Variants in GNAO1 observed in about 807,000 individuals in gnomAD.
GNAO1 encodes G protein subunit alpha o1.
For synonymous variants in GNAO1, 164 were observed against 180.7 expected, an observed-to-expected ratio of 0.91 and a Z score of 0.74; for missense variants, 166 against 478.7, an observed-to-expected ratio of 0.35 and a Z score of 6.10.
At chr16:56,260,357 G>C (rs913491170) in intron 2 of GNAO1, among the ~76,000 whole-genome samples, 2 of 152,172 alleles carry the variant, frequency 1.3e-5, no homozygotes, top group Non-Finnish European at 2.9e-5. Context: ...TGAGGGGCCT[G>C]TTCTCCTTAG....
At chr16:56,337,974 G>A (rs1280225494) in intron 6 of GNAO1, among the ~76,000 whole-genome samples, 4 of 152,224 alleles carry the variant, frequency 2.6e-5, no homozygotes, top group African/African-American at 9.6e-5. Flanking sequence ...CTGGCACCGA[G>A]GGTTTGAGGT....
chr16:56,238,149 G>T (rs1313871693), intron 2 of GNAO1, among the ~76,000 whole-genome samples: 1 of 126,738 alleles, frequency 7.9e-6, no homozygotes, highest in East Asian at 2.3e-4. Context: ...CTTTTTTTCA[G>T]CAGGCCTGCT....
In GNAO1 at chr16:56,336,869, C is replaced by T. The variant is rs371451695; in HGVS notation, c.723+9C>T. 27 of 1,606,166 alleles carry T rather than the reference C, an allele frequency of 1.7e-5. No homozygotes were observed. The highest frequency in any genetic ancestry group is 1.6e-4 in the Middle Eastern group (1 of 6,080). Reference sequence around the variant, plus strand: ...ACGAAGACGAAACCACGGTGAGTGGCCTGGGCCCCCCGGGCAGGGGGCAGC... The same window carrying T: ...ACGAAGACGAAACCACGGTGAGTGGTCTGGGCCCCCCGGGCAGGGGGCAGC... On this transcript the variant is annotated intron_variant, in intron 6 of 8. Transcript: ENST00000262493.
chr16:56,321,194 A>G (rs1158999308), intron 3 of GNAO1, among the ~76,000 whole-genome samples: 1 of 152,240 alleles, frequency 6.6e-6, no homozygotes, highest in Non-Finnish European at 1.5e-5. Flanking sequence ...TAATAGGACT[A>G]TTTGGGGTAC....
In GNAO1 at chr16:56,252,873, C is replaced by T. The variant is rs756968663; in HGVS notation, c.162-23058C>T. The stretch of plus-strand genomic sequence containing the variant: ...CCTTGAGTGCATTGGCCTGTCCCCC[C>T]CACCAACCCCAACAGCTCACAGGGC... On this transcript the variant is annotated intron_variant, in intron 2 of 8. Transcript: ENST00000262493. 3.2e-4 allele frequency among the ~76,000 whole-genome samples: 48 copies of T among 152,304 alleles called. 1 individual carries two copies. In the Middle Eastern group the frequency reaches 0.01, roughly 32 times the overall value.
chr16:56,355,118 G>A lies in GNAO1; in HGVS notation c.*28+37G>A, dbSNP rs548228729. ...AGCACCCACAGAACAGCTTGCGTGC[G>A]CGCGCATACACACACACACACACAC... On this transcript the variant is annotated intron_variant, in intron 8 of 8. Coordinates refer to ENST00000262493, the MANE Select transcript of GNAO1 (RefSeq NM_020988.3). The A allele has an allele frequency of 6.6e-5, 56 of 842,352 alleles. No homozygotes were observed. The East Asian group carries it at 8.7e-4, about 13-fold the overall frequency. 52.2% of individuals were successfully genotyped at this position (842,352 alleles called of 1,614,324 possible). A position where few individuals can be genotyped will look rare whatever the true frequency, so the allele number is the denominator to read the frequency against.
At chr16:56,332,146 A>T (rs1438847948) in intron 4 of GNAO1, among the ~76,000 whole-genome samples, 2 of 152,146 alleles carry the variant, frequency 1.3e-5, no homozygotes, top group African/African-American at 2.4e-5. Flanking sequence ...CATGGCAGCA[A>T]CAGGGCCGTT....
At chr16:56,310,680 G>C (rs1402790239) in intron 3 of GNAO1, among the ~76,000 whole-genome samples, 1 of 152,136 alleles carries the variant, frequency 6.6e-6, no homozygotes, top group Non-Finnish European at 1.5e-5. Flanking sequence ...ATGTCAAATA[G>C]GGAACAAAAG....
intron 2 of GNAO1, among the ~76,000 whole-genome samples, chr16:56,268,907 G>T (rs1438158613): frequency 6.6e-6 from 1 of 152,166 alleles, no homozygotes; most frequent in Non-Finnish European, 1.5e-5. Flanking sequence ...TCTGACAGTT[G>T]TTTGATTAAA....
At chr16:56,324,702 G>A (rs1357635111) in intron 3 of GNAO1, among the ~76,000 whole-genome samples, 5 of 152,240 alleles carry the variant, frequency 3.3e-5, no homozygotes, top group Non-Finnish European at 4.4e-5. Flanking sequence ...AGGGGGGCCC[G>A]GACAGCCTTC....
chr16:56,236,198 T>C (rs1379698389), intron 2 of GNAO1, among the ~76,000 whole-genome samples: 1 of 152,196 alleles, frequency 6.6e-6, no homozygotes, highest in Admixed American at 6.5e-5. Flanking sequence ...GGAGAAGAAG[T>C]GAGTGGTGTG....
At position 56,311,879 on chromosome 16, in the gene GNAO1, T is replaced by A. The variant is rs2037462327; in HGVS notation, c.304-16752T>A. Among the ~76,000 whole-genome samples, 1 of 152,238 alleles carries A rather than the reference T, an allele frequency of 6.6e-6. No individual in the cohort carries two copies. The highest frequency in any genetic ancestry group is 6.5e-5 in the Admixed American group (1 of 15,292). On this transcript the variant is annotated intron_variant, in intron 3 of 8. Coordinates refer to ENST00000262493, the MANE Select transcript of GNAO1 (RefSeq NM_020988.3). This position sits in a 1 kb window ranked among gnomAD's most constrained non-coding sequence, Gnocchi z 5.2. ...TAGTTGACAGGAGTATTTGTCACCC[T>A]TGTTTTTACACCTGTCACCATCCCA...
chr16:56,336,761 A>G lies in GNAO1; in HGVS notation c.624A>G (p.Glu208=). Residue 208 remains glutamate, a synonymous_variant, in exon 6 of 9, where the codon GAA becomes GAG. Transcript: ENST00000262493. ...RLFDVGGQRS[E]RKKWIHCFED... ...TTGACGTCGGAGGCCAGCGATCTGA[A>G]CGCAAGAAGTGGATCCATTGCTTCG... 6.2e-7 allele frequency: 1 copy of G among 1,613,502 alleles called. No homozygotes were observed. Among genetic ancestry groups the G allele is most frequent in the Non-Finnish European group, 8.5e-7 (1 of 1,179,892 alleles).
At chr16:56,286,361 AAC>A (rs2037167477) in intron 3 of GNAO1, among the ~76,000 whole-genome samples, 14 of 152,260 alleles carry the variant, frequency 9.2e-5, no homozygotes, top group African/African-American at 3.4e-4. Context: ...CACACTGGCA[AAC>A]TGGCTTATTC....
At chr16:56,227,029 ATGTGTTG>A (rs2036538313) in intron 2 of GNAO1, among the ~76,000 whole-genome samples, 1 of 152,066 alleles carries the variant, frequency 6.6e-6, no homozygotes, top group African/African-American at 2.4e-5. Flanking sequence ...CTGCCCTTTG[ATGTGTTG>A]TGTGGTTTTG....
At chr16:56,253,289 T>A (rs1305088305) in intron 2 of GNAO1, among the ~76,000 whole-genome samples, 3 of 152,190 alleles carry the variant, frequency 2.0e-5, no homozygotes, top group Non-Finnish European at 4.4e-5. Flanking sequence ...CACTTTGTCT[T>A]ATCACGAAGA....
At chr16:56,208,444 T>TGC (rs2036351705) in intron 2 of GNAO1, among the ~76,000 whole-genome samples, 2 of 107,032 alleles carry the variant, frequency 1.9e-5, no homozygotes, top group African/African-American at 7.3e-5. Context: ...TGTGTGTGTG[T>TGC]GTGTGCGCGC....
chr16:56,344,276 C>T lies in GNAO1; in HGVS notation c.724-7108C>T, dbSNP rs988200790. On this transcript the variant is annotated intron_variant, in intron 6 of 8. Transcript: ENST00000262493. ...GATGGGCACACCCTGCACCTGATGA[C>T]TCACTGGAAGCCTCGGAGTGTCCTC... is the stretch of plus-strand genomic sequence containing the variant. 27 of 1,246,502 alleles carry T rather than the reference C, an allele frequency of 2.2e-5. No individual in the cohort carries two copies. The South Asian group carries it at 6.4e-4, about 30-fold the overall frequency. 77.2% of individuals were successfully genotyped at this position (1,246,502 alleles called of 1,614,324 possible).
chr16:56,327,695 G>A (rs1453459851), intron 3 of GNAO1, among the ~76,000 whole-genome samples: 3 of 152,142 alleles, frequency 2.0e-5, no homozygotes, highest in Non-Finnish European at 2.9e-5. Context: ...ATGAGGGGAA[G>A]GGGAAGAAAC....
Sources: allele counts gnomAD v4.1 joint callset (sites outside exome capture counted in the v4.1 genomes callset), GRCh38; gene constraint gnomAD v4.1.1; non-coding constraint Gnocchi (gnomAD v3.1); transcripts MANE v1.5; gene names NCBI Gene and HGNC (gene_info 2026-07-23, HGNC 2026-07-21).